The following SEMA6A variants were observed in gnomAD, a reference collection of about 807,000 sequenced individuals.
SEMA6A encodes the protein semaphorin 6A.
In SEMA6A, 25 loss-of-function variants were observed where a neutral mutation model predicts 96.8. That is an observed-to-expected ratio of 0.26 (90% CI 0.19 to 0.36). The LOEUF is 0.36. Among genes scored for constraint, SEMA6A ranks in the 10% least tolerant of loss-of-function variants. The probability of loss-of-function intolerance (pLI) is 1.00; values close to 1 mark genes in which losing one functional copy is unlikely to be tolerated. For missense variants in SEMA6A, 1,363 were observed against 1,323.1 expected (o/e 1.03, Z -0.47); for synonymous variants, 612 against 518.0 (o/e 1.18, Z -2.46).
intron 5 of SEMA6A, chr5:116,496,040 T>C (rs1757584162): frequency 2.0e-6 from 1 of 497,838 alleles, no homozygotes; most frequent in Non-Finnish European, 3.6e-6. Context: ...AAGTAGTTCA[T>C]GATGCAGGCC....
At chr5:116,562,123 A>G (rs933822104) in intron 1 of SEMA6A, among the ~76,000 whole-genome samples, 4 of 152,232 alleles carry the variant, frequency 2.6e-5, no homozygotes, top group Admixed American at 1.3e-4. Flanking sequence ...CCATACTGCT[A>G]TGCAGTCAGA....
intron 1 of SEMA6A, among the ~76,000 whole-genome samples, chr5:116,554,452 T>C (rs190222452): frequency 5.3e-5 from 8 of 152,342 alleles, no homozygotes; most frequent in Admixed American, 3.9e-4. Context: ...TTAAAATCCA[T>C]CTAGCAAAAA....
At chr5:116,551,303 T>A (rs1289016969) in intron 1 of SEMA6A, among the ~76,000 whole-genome samples, 1 of 127,238 alleles carries the variant, frequency 7.9e-6, no homozygotes, top group Non-Finnish European at 1.7e-5. Flanking sequence ...CAATTCTGCA[T>A]GATAGTCTTA....
intron 4 of SEMA6A, among the ~76,000 whole-genome samples, chr5:116,496,860 C>T (rs957740909): frequency 2.0e-5 from 3 of 152,160 alleles, no homozygotes; most frequent in African/African-American, 7.2e-5. Flanking sequence ...AAAATATCCC[C>T]ATGTGGAGTT....
chr5:116,513,813 C>T (rs1758535876), intron 1 of SEMA6A, among the ~76,000 whole-genome samples: 1 of 152,038 alleles, frequency 6.6e-6, no homozygotes, highest in Non-Finnish European at 1.5e-5. Flanking sequence ...TGAGTGTGTG[C>T]TGTTCTTCCC....
At chr5:116,494,737 C>A (rs972164440) in intron 6 of SEMA6A, among the ~76,000 whole-genome samples, 11 of 152,210 alleles carry the variant, frequency 7.2e-5, no homozygotes, top group Non-Finnish European at 1.5e-4. Context: ...TTTCCTGAGA[C>A]AAAGGCTGGC....
chr5:116,451,944 G>A (rs1754663987), intron 18 of SEMA6A, among the ~76,000 whole-genome samples: 1 of 150,776 alleles, frequency 6.6e-6, no homozygotes, highest in Non-Finnish European at 1.5e-5. Flanking sequence ...ACAACAGAGT[G>A]CCCCAGTGGA....
chr5:116,551,874 A>G (rs1244995650), intron 1 of SEMA6A, among the ~76,000 whole-genome samples: 1 of 152,236 alleles, frequency 6.6e-6, no homozygotes, highest in Non-Finnish European at 1.5e-5. Context: ...GTCTGGACTG[A>G]CAATGTAACG....
chr5:116,513,751 G>A (rs1196887880), intron 1 of SEMA6A, among the ~76,000 whole-genome samples: 2 of 152,046 alleles, frequency 1.3e-5, no homozygotes, highest in African/African-American at 4.8e-5. Context: ...GCATCCACGA[G>A]CTATTCTTCC....
At chr5:116,564,770 C>T (rs989260092) in intron 1 of SEMA6A, among the ~76,000 whole-genome samples, 1 of 152,084 alleles carries the variant, frequency 6.6e-6, no homozygotes, top group Non-Finnish European at 1.5e-5. Flanking sequence ...ATACTATTCA[C>T]GAGTTGACAA....
chr5:116,532,218 C>T (rs1759514797), intron 1 of SEMA6A, among the ~76,000 whole-genome samples: 1 of 152,104 alleles, frequency 6.6e-6, no homozygotes, highest in African/African-American at 2.4e-5. Context: ...TGATTTATGC[C>T]AAACACTTAA....
intron 1 of SEMA6A, among the ~76,000 whole-genome samples, chr5:116,523,718 A>G (rs1374210809): frequency 2.6e-5 from 4 of 152,202 alleles, no homozygotes; most frequent in Non-Finnish European, 5.9e-5. Flanking sequence ...AGCTTCAAAA[A>G]TTAAAGATGT....
rs368922493 is a variant in SEMA6A at position 116,446,792 on chromosome 5, G to A, written c.2914C>T (p.His972Tyr). ...APQRVDSIQVHSSQPSGQAVT... is the reference protein window; with the variant it reads ...APQRVDSIQVYSSQPSGQAVT... Reference sequence around the variant, plus strand: ...GCCTGGCCAGATGGCTGGGAGCTGTGCACCTGGATGGAGTCCACCCTCTGC... The same window carrying A: ...GCCTGGCCAGATGGCTGGGAGCTGTACACCTGGATGGAGTCCACCCTCTGC... The change falls in exon 19 of 19, where the codon CAC (histidine) becomes TAC (tyrosine). Residue 972 changes from histidine to tyrosine, a missense_variant. Physicochemically the swap from His to Tyr is moderately conservative, Grantham distance 83. Coordinates refer to ENST00000343348, the MANE Select transcript of SEMA6A (RefSeq NM_020796.5). The A allele has an allele frequency of 2.8e-5, 45 of 1,612,770 alleles. No individual in the cohort carries two copies. The African/African-American group carries it at 4.9e-4, about 18-fold the overall frequency.
Position 116,560,205 on chromosome 5 carries a change from C to A in SEMA6A, c.-39+13980G>T, listed in dbSNP as rs78866764. On this transcript the variant is annotated intron_variant, in intron 1 of 18. Coordinates refer to ENST00000343348, the MANE Select transcript of SEMA6A (RefSeq NM_020796.5). ...CTCCTTCAATGGAGCCCAGCCTGAC[C>A]TCCCAGCTGGACAGAGCCACTTTTG... Among the ~76,000 whole-genome samples, 1,114 of 152,348 alleles carry A rather than the reference C, an allele frequency of 7.3e-3. 10 individuals carry two copies. Among genetic ancestry groups the A allele is most frequent in the Non-Finnish European group, 0.011 (768 of 68,034 alleles).
intron 6 of SEMA6A, among the ~76,000 whole-genome samples, chr5:116,492,765 C>T (rs1757390505): frequency 6.6e-6 from 1 of 152,170 alleles, no homozygotes; most frequent in Non-Finnish European, 1.5e-5. Context: ...TCTCTTGCTT[C>T]ATGTCACTCT....
At chr5:116,540,902 G>A (rs1310735892) in intron 1 of SEMA6A, among the ~76,000 whole-genome samples, 1 of 152,152 alleles carries the variant, frequency 6.6e-6, no homozygotes, top group Admixed American at 6.5e-5. Flanking sequence ...AAAAAGTCTT[G>A]TGTAAATAAT....
chr5:116,521,488 G>A (rs998371468), intron 1 of SEMA6A, among the ~76,000 whole-genome samples: 4 of 152,212 alleles, frequency 2.6e-5, no homozygotes, highest in Non-Finnish European at 5.9e-5. Flanking sequence ...CTACAGACTG[G>A]AAGTCTCCCC....
Position 116,447,069 on chromosome 5 carries a change from G to A in SEMA6A, c.2637C>T (p.Pro879=), listed in dbSNP as rs569568718. ...GGGAGGCCTCCCGCTGTGGAACTTTGGGGGGCAGGCTGTCCAGGTTCTCCA... is the reference window on the plus strand; with the variant it reads ...GGGAGGCCTCCCGCTGTGGAACTTTAGGGGGCAGGCTGTCCAGGTTCTCCA... The part of the protein sequence containing the change: ...NLVENLDSLP[P]KVPQREASLG... Residue 879 remains proline (P), a synonymous_variant, in exon 19 of 19, where the codon CCC becomes CCT. Transcript: ENST00000343348. The A allele has an allele frequency of 2.7e-4, 429 of 1,613,918 alleles. 7 individuals are homozygous for A. The South Asian group carries it at 4.5e-3, about 17-fold the overall frequency.
At chr5:116,466,554 C>A (rs1020030298) in intron 18 of SEMA6A, among the ~76,000 whole-genome samples, 1 of 151,948 alleles carries the variant, frequency 6.6e-6, no homozygotes, top group Admixed American at 6.6e-5. Flanking sequence ...AGATGAGAAG[C>A]AAAAAAGCAG....
Sources: allele counts gnomAD v4.1 joint callset (sites outside exome capture counted in the v4.1 genomes callset), GRCh38; gene constraint gnomAD v4.1.1; transcripts MANE v1.5; gene names NCBI Gene and HGNC (gene_info 2026-07-23, HGNC 2026-07-21).